DEAF1: variants seen among roughly 807,000 people sequenced by gnomAD.
The protein encoded by DEAF1 is DEAF1 transcription factor.
DEAF1 carries 53 observed loss-of-function variants against 58.9 expected under a neutral mutation model. The observed-to-expected ratio is 0.90, with a 90% CI of 0.72 to 1.13. The LOEUF (loss-of-function observed/expected upper bound fraction) is 1.13, where lower values mean the gene tolerates loss of function less well. DEAF1 is among the 50% of genes most tolerant of loss of function. The pLI is 0.00. For missense variants in DEAF1, 685 were observed against 791.4 expected (o/e 0.87, Z 1.61); for synonymous variants, 385 against 340.4 (o/e 1.13, Z -1.44).
At chr11:684,813 A>G in intron 6 of DEAF1, 85 bp downstream of exon 6, 1 of 1,207,020 alleles carries the variant, frequency 8.3e-7, no homozygotes, top group South Asian at 1.3e-5. Context: ...GGAGGGAAAC[A>G]GCCGAGAGGC....
chr11:647,749 G>GTT (rs1858567128), intron 11 of DEAF1, among the ~76,000 whole-genome samples: 1 of 152,216 alleles, frequency 6.6e-6, no homozygotes, highest in Non-Finnish European at 1.5e-5. Flanking sequence ...ATTTTCCAAA[G>GTT]TTAAGGATTA....
chr11:682,927 G>A (rs542886763), intron 6 of DEAF1, among the ~76,000 whole-genome samples: 3 of 152,214 alleles, frequency 2.0e-5, no homozygotes, highest in East Asian at 3.9e-4. Context: ...GCAAGGAGTG[G>A]GAACCGTTTT....
intron 10 of DEAF1, 95 bp from the exon 11 acceptor site, chr11:654,146 G>C: frequency 1.2e-6 from 1 of 845,834 alleles, no homozygotes; most frequent in Non-Finnish European, 1.9e-6. Flanking sequence ...GAGGCCCCAA[G>C]TTCCCCCCAT....
chr11:695,563 T>C (rs1767323659), upstream of DEAF1: 11 of 1,223,958 alleles, frequency 9.0e-6, no homozygotes, highest in Non-Finnish European at 1.1e-5. Flanking sequence ...GGAAGCCGAG[T>C]CAGCCCGAGG....
Position 674,537 on chromosome 11 carries a change from T to G in DEAF1, c.1502A>C (p.Glu501Ala). 1 of 1,613,972 alleles carries G rather than the reference T, an allele frequency of 6.2e-7. No individual in the cohort carries two copies. The highest frequency in any genetic ancestry group is 8.5e-7 in the Non-Finnish European group (1 of 1,180,022). Reference sequence around the variant, plus strand: ...TCTTCCCATTTGTTCCAAGGTTACCTCCTTCCGCTCTGCGTCAGCGTGGAT... The same window carrying G: ...TCTTCCCATTTGTTCCAAGGTTACCGCCTTCCGCTCTGCGTCAGCGTGGAT... The part of the protein sequence containing the change: ...AKIHADAERK[E>A]QSCVNCGREA... Residue 501 changes from glutamate (E) to alanine (A), a missense_variant and splice_region_variant, in exon 10 of 12, where the codon GAG (glutamate) becomes GCG (alanine). This residue lies in a region of DEAF1 where 343 missense variants were observed against 379.8 expected (regional missense o/e 0.90). Transcript: ENST00000382409.
rs939993720 is a variant in DEAF1 at position 679,829 on chromosome 11, A to G, written c.998-13T>C. The G allele has an allele frequency of 3.1e-6, 5 of 1,612,776 alleles. No individual in the cohort carries two copies. Among genetic ancestry groups the G allele is most frequent in the Admixed American group, 3.3e-5 (2 of 60,010 alleles). On this transcript the variant is annotated splice_polypyrimidine_tract_variant and intron_variant, in intron 7 of 11. Coordinates refer to ENST00000382409, the MANE Select transcript of DEAF1 (RefSeq NM_021008.4). ...GGGGTCACGGTGACTGGAAAGGCAGAAGCACATTTCACGCGGCCAGGCAGT... is the reference window on the plus strand; with the variant it reads ...GGGGTCACGGTGACTGGAAAGGCAGGAGCACATTTCACGCGGCCAGGCAGT...
chr11:693,962 C>T (rs1157090325), intron 1 of DEAF1, among the ~76,000 whole-genome samples: 1 of 151,918 alleles, frequency 6.6e-6, no homozygotes, highest in Admixed American at 6.6e-5. Context: ...GGTGGCTCCG[C>T]AGCCCCCCTG....
At chr11:675,685 G>T (rs924862131) in intron 9 of DEAF1, among the ~76,000 whole-genome samples, 4 of 151,990 alleles carry the variant, frequency 2.6e-5, no homozygotes, top group East Asian at 1.9e-4. Context: ...TTAGCTAGGC[G>T]TGGAAGCGTC....
intron 1 of DEAF1, among the ~76,000 whole-genome samples, chr11:702,225 C>T (rs533394898): frequency 3.3e-4 from 50 of 152,362 alleles, no homozygotes; most frequent in African/African-American, 1.1e-3. Context: ...GAGGGGTGCC[C>T]GGCCGTCAGT....
At chr11:694,429 G>A in intron 1 of DEAF1, 1 of 258,878 alleles carries the variant, frequency 3.9e-6, no homozygotes. Context: ...GCAGGTGTGC[G>A]AGGCAGGTAT....
intron 8 of DEAF1, 140 bp downstream of exon 8, chr11:679,548 T>C (rs1474661134): frequency 7.5e-7 from 1 of 1,341,602 alleles, no homozygotes; most frequent in Non-Finnish European, 1.0e-6. Context: ...GCTCACACGC[T>C]GTCCCCACCA....
chr11:655,585 TGAGCAGCACA>T (rs907027547), intron 10 of DEAF1, among the ~76,000 whole-genome samples: 3 of 152,042 alleles, frequency 2.0e-5, no homozygotes, highest in South Asian at 2.1e-4. Context: ...GCAGCGTCTG[TGAGCAGCACA>T]GAGCAGCACA....
intron 1 of DEAF1, among the ~76,000 whole-genome samples, chr11:694,253 CCAGGT>C (rs1479829200): frequency 6.7e-6 from 1 of 149,642 alleles, no homozygotes; most frequent in African/African-American, 2.5e-5. Flanking sequence ...CAGGGCAGGG[CCAGGT>C]CAGGTGAGGC....
At chr11:698,585 G>A (rs1477590063), upstream of DEAF1, among the ~76,000 whole-genome samples, 1 of 152,118 alleles carries the variant, frequency 6.6e-6, no homozygotes, top group Non-Finnish European at 1.5e-5. Flanking sequence ...TTTCCCTGAG[G>A]GCCAGCTGGG....
intron 1 of DEAF1, among the ~76,000 whole-genome samples, chr11:705,658 A>G (rs964137282): frequency 6.6e-6 from 1 of 151,978 alleles, no homozygotes; most frequent in African/African-American, 2.4e-5. Context: ...CCACCCACTC[A>G]CCGAAGCCTC....
At chr11:649,984 C>T (rs1858685985) in intron 11 of DEAF1, among the ~76,000 whole-genome samples, 1 of 152,010 alleles carries the variant, frequency 6.6e-6, no homozygotes, top group African/African-American at 2.4e-5. Context: ...TGAGATCGTG[C>T]CATTGCACTC....
rs549011547 is a variant in DEAF1 at position 655,956 on chromosome 11, C to T, written c.1504-1905G>A. ...TAAGTGATTCTTGTGCCTCAGCCTC[C>T]CCACAGCTGGGACTACAGGCACGGA... On this transcript the variant is annotated intron_variant, in intron 10 of 11. Transcript: ENST00000382409. Among the ~76,000 whole-genome samples, 36 of 151,582 alleles carry T rather than the reference C, an allele frequency of 2.4e-4. No individual in the cohort carries two copies. The South Asian group carries it at 5.9e-3, about 25-fold the overall frequency.
In DEAF1 at chr11:689,121, T is replaced by A. The variant is rs564246823; in HGVS notation, c.388-661A>T. 1.2e-4 allele frequency among the ~76,000 whole-genome samples: 18 copies of A among 152,292 alleles called. No homozygotes were observed. In the South Asian group the frequency reaches 3.5e-3, roughly 30 times the overall value. On this transcript the variant is annotated intron_variant, in intron 2 of 11. Coordinates refer to ENST00000382409, the MANE Select transcript of DEAF1 (RefSeq NM_021008.4). The stretch of plus-strand genomic sequence containing the variant: ...CAGGGGCCTCTCTGAACCCCGTGTT[T>A]TGGGTGCCCCAAGGTTTTCATTCTG...
chr11:704,495 C>G (rs750776679), intron 1 of DEAF1: 62 of 1,289,258 alleles, frequency 4.8e-5, no homozygotes, highest in Non-Finnish European at 2.2e-5. Context: ...ACACCAGCGC[C>G]TGAGCGCCTC....
Sources: allele counts gnomAD v4.1 joint callset (sites outside exome capture counted in the v4.1 genomes callset), GRCh38; gene constraint gnomAD v4.1.1; regional missense constraint gnomAD v4.1.1; transcripts MANE v1.5; gene names NCBI Gene and HGNC (gene_info 2026-07-23, HGNC 2026-07-21).